SNAP91: variants seen among roughly 807,000 people sequenced by gnomAD.
SNAP91 encodes clathrin coat assembly protein AP180.
A neutral mutation model predicts 100.3 loss-of-function variants in SNAP91; 27 were observed. The ratio of observed to expected loss-of-function variants is 0.27; its 90% confidence interval spans 0.20 to 0.37. SNAP91 has a LOEUF of 0.37. Ranked by LOEUF, SNAP91 falls within the 10% of genes least tolerant of loss-of-function variation. The probability of loss-of-function intolerance (pLI) is 1.00; values close to 1 mark genes in which losing one functional copy is unlikely to be tolerated. For missense variants in SNAP91, 986 were observed against 1,123.7 expected, an observed-to-expected ratio of 0.88 and a Z score of 1.75; for synonymous variants, 404 against 398.6, an observed-to-expected ratio of 1.01 and a Z score of -0.16.
chr6:83,580,706 A>G, intron 23 of SNAP91, 107 bp from the exon 24 acceptor site: 1 of 1,093,044 alleles, frequency 9.1e-7, no homozygotes. Context: ...GTGAATATAA[A>G]ATCTTATAAA....
intron 28 of SNAP91, among the ~76,000 whole-genome samples, chr6:83,556,785 GAAA>G (rs1446840455): frequency 6.6e-6 from 1 of 152,096 alleles, no homozygotes; most frequent in Admixed American, 6.6e-5. Context: ...GAATTTGAAG[GAAA>G]AATAGGAAAC....
At chr6:83,595,080 A>G (rs759766838) in intron 16 of SNAP91, among the ~76,000 whole-genome samples, 2 of 152,182 alleles carry the variant, frequency 1.3e-5, no homozygotes, top group Admixed American at 1.3e-4. Context: ...ATTTTCAAAC[A>G]TAACCAATAA....
At chr6:83,615,084 C>T (rs2096399125) in intron 10 of SNAP91, among the ~76,000 whole-genome samples, 1 of 152,076 alleles carries the variant, frequency 6.6e-6, no homozygotes, top group Admixed American at 6.6e-5. Flanking sequence ...TTTTAAATTT[C>T]ACTTCTCTAG....
chr6:83,607,679 C>G lies in SNAP91; in HGVS notation c.1022+20G>C. 7.1e-7 allele frequency: 1 copy of G among 1,410,772 alleles called. No homozygotes were observed. The allele number at this position is 1,410,772 out of a possible 1,614,324, so 87.4% of individuals were successfully genotyped here. A position where few individuals can be genotyped will look rare whatever the true frequency, so the allele number is the denominator to read the frequency against. ...TAATAAAATATTAATAAACAGTTAA[C>G]TGCATATTTATTTACCAACCTGACT... On this transcript the variant is annotated intron_variant, in intron 13 of 29. Coordinates refer to ENST00000369694, the MANE Select transcript of SNAP91 (RefSeq NM_001242792.2).
rs1185864640 is a variant in SNAP91 at position 83,708,858 on chromosome 6, G to T, written c.-44C>A. On this transcript the variant is annotated 5_prime_UTR_variant, in exon 1 of 30. Coordinates refer to ENST00000369694, the MANE Select transcript of SNAP91 (RefSeq NM_001242792.2). ...GCGGGTACTCACCCCGCCCCTGAGC[G>T]GCGCCGCCCGCCGCAGGATGAGCGG... 3 of 152,004 alleles carry T rather than the reference G, an allele frequency of 2.0e-5. No individual in the cohort carries two copies. The highest frequency in any genetic ancestry group is 4.4e-5 in the Non-Finnish European group (3 of 67,978). 9.4% of individuals were successfully genotyped at this position (152,004 alleles called of 1,614,324 possible).
At chr6:83,607,194 CCA>C (rs2095669935) in intron 13 of SNAP91, among the ~76,000 whole-genome samples, 1 of 152,004 alleles carries the variant, frequency 6.6e-6, no homozygotes, top group African/African-American at 2.4e-5. Context: ...ACAGTCATCC[CCA>C]GATTTCTCAC....
chr6:83,701,096 G>A (rs2099297674), intron 2 of SNAP91, among the ~76,000 whole-genome samples: 1 of 152,078 alleles, frequency 6.6e-6, no homozygotes, highest in Admixed American at 6.5e-5. Flanking sequence ...GAAATGGTGA[G>A]TAAAACACTG....
At chr6:83,583,317 A>G (rs1831127236) in intron 22 of SNAP91, among the ~76,000 whole-genome samples, 1 of 152,328 alleles carries the variant, frequency 6.6e-6, no homozygotes, top group Non-Finnish European at 1.5e-5. Context: ...TTTTGAGGCC[A>G]GGAACTGTGT....
intron 8 of SNAP91, among the ~76,000 whole-genome samples, chr6:83,633,164 A>C (rs1355157343): frequency 6.6e-6 from 1 of 152,104 alleles, no homozygotes; most frequent in Non-Finnish European, 1.5e-5. Flanking sequence ...TTCTGGATCT[A>C]GCCACCCAGC....
At chr6:83,686,615 T>TATTA (rs2099065067) in intron 2 of SNAP91, among the ~76,000 whole-genome samples, 1 of 152,276 alleles carries the variant, frequency 6.6e-6, no homozygotes, top group South Asian at 2.1e-4. Context: ...TATTATCTAG[T>TATTA]GCTTTAGGTG....
intron 12 of SNAP91, among the ~76,000 whole-genome samples, chr6:83,609,752 C>A (rs898659085): frequency 6.6e-6 from 1 of 152,162 alleles, no homozygotes; most frequent in Admixed American, 6.5e-5. Flanking sequence ...TTATAGTCAA[C>A]TGTCTAAAAG....
Position 83,659,067 on chromosome 6 carries a change from C to T in SNAP91, c.478G>A (p.Ala160Thr). The T allele has an allele frequency of 1.9e-6, 3 of 1,602,832 alleles. No homozygotes were observed. The highest frequency in any genetic ancestry group is 2.6e-6 in the Non-Finnish European group (3 of 1,174,794). Residue 160 changes from alanine (A) to threonine (T), a missense_variant, in exon 6 of 30, where the codon GCT becomes ACT. Transcript: ENST00000369694. ...ATACTCTTTAGCAGCTTTTCGGGAGCCATTGTCCTCATTACACCATCGGCC... is the reference window on the plus strand; with the variant it reads ...ATACTCTTTAGCAGCTTTTCGGGAGTCATTGTCCTCATTACACCATCGGCC... ...KGADGVMRTM[A>T]PEKLLKSMPI...
intron 29 of SNAP91, among the ~76,000 whole-genome samples, chr6:83,555,223 G>GA (rs11446161): frequency 0.36 from 53,802 of 148,380 alleles, 10,422 homozygotes; most frequent in South Asian, 0.51. Context: ...TCTTGTATAA[G>GA]AAAAAAAAAA....
chr6:83,617,728 A>G (rs2096557402), intron 9 of SNAP91, among the ~76,000 whole-genome samples: 1 of 151,842 alleles, frequency 6.6e-6, no homozygotes, highest in East Asian at 1.9e-4. Context: ...TATAAATAAT[A>G]TTTTAGGCAA....
chr6:83,556,287 CAGAG>C, intron 28 of SNAP91, 42 bp from the exon 29 acceptor site: 1 of 879,318 alleles, frequency 1.1e-6, no homozygotes, highest in Non-Finnish European at 1.6e-6. Context: ...GAATAGAAAG[CAGAG>C]AGAGAATGAG....
intron 22 of SNAP91, among the ~76,000 whole-genome samples, chr6:83,587,791 A>G (rs1165777921): frequency 2.0e-5 from 3 of 152,006 alleles, no homozygotes; most frequent in Non-Finnish European, 4.4e-5. Context: ...TTTGGCTAGG[A>G]AAGTTGCTCC....
chr6:83,601,250 G>A (rs755991611), intron 16 of SNAP91, 21 bp downstream of exon 16: 2 of 1,611,120 alleles, frequency 1.2e-6, no homozygotes, highest in African/African-American at 2.7e-5. Flanking sequence ...AAAAATGAAA[G>A]TAGCAGCGAG....
At chr6:83,696,652 A>C (rs979024412) in intron 2 of SNAP91, among the ~76,000 whole-genome samples, 3 of 152,116 alleles carry the variant, frequency 2.0e-5, no homozygotes, top group Non-Finnish European at 2.9e-5. Context: ...TTCACACCTC[A>C]CCTACTTTAA....
chr6:83,682,339 C>G (rs1166925057), intron 2 of SNAP91, among the ~76,000 whole-genome samples: 1 of 151,650 alleles, frequency 6.6e-6, no homozygotes, highest in African/African-American at 2.4e-5. Context: ...TGCCACCACA[C>G]CTAGCTAATT....
Sources: allele counts gnomAD v4.1 joint callset (sites outside exome capture counted in the v4.1 genomes callset), GRCh38; gene constraint gnomAD v4.1.1; transcripts MANE v1.5; gene names NCBI Gene and HGNC (gene_info 2026-07-23, HGNC 2026-07-21).